The following PSD3 variants were observed in gnomAD, a reference collection of about 807,000 sequenced individuals.
The protein encoded by PSD3 is pleckstrin and Sec7 domain containing 3.
A neutral mutation model predicts 105.5 loss-of-function variants in PSD3; 49 were observed. The ratio of observed to expected loss-of-function variants is 0.46; its 90% confidence interval spans 0.37 to 0.59. PSD3 has a LOEUF of 0.59. Ranked by LOEUF, PSD3 falls within the 20% of genes least tolerant of loss-of-function variation. The pLI, the probability that PSD3 is intolerant of heterozygous loss-of-function variation, is 0.00. For missense variants in PSD3, 1,561 were observed against 1,263.8 expected, an observed-to-expected ratio of 1.24 and a Z score of -3.57; for synonymous variants, 557 against 457.8, an observed-to-expected ratio of 1.22 and a Z score of -2.77.
At chr8:18,845,747 A>G (rs1405303519) in intron 4 of PSD3, among the ~76,000 whole-genome samples, 2 of 152,204 alleles carry the variant, frequency 1.3e-5, no homozygotes, top group African/African-American at 4.8e-5. Flanking sequence ...GACCAGCCAG[A>G]ACAACATAGC....
chr8:18,533,714 T>C lies in PSD3; in HGVS notation c.*2029A>G, dbSNP rs985640545. The C allele has an allele frequency of 6.6e-6, 1 of 152,166 alleles. No individual in the cohort carries two copies. The highest frequency in any genetic ancestry group is 1.5e-5 in the Non-Finnish European group (1 of 68,032). 9.4% of individuals were successfully genotyped at this position (152,166 alleles called of 1,614,324 possible). A position where few individuals can be genotyped will look rare whatever the true frequency, so the allele number is the denominator to read the frequency against. ...CTCTCCCCTCGGCTTAGTATAAACA[T>C]TTAGGCAGAAAACAAATATCCTGAT... is the stretch of plus-strand genomic sequence containing the variant. On this transcript the variant is annotated 3_prime_UTR_variant, in exon 16 of 16. Transcript: ENST00000327040.
At chr8:18,956,361 G>T (rs1363186285) in intron 1 of PSD3, among the ~76,000 whole-genome samples, 1 of 152,180 alleles carries the variant, frequency 6.6e-6, no homozygotes, top group Non-Finnish European at 1.5e-5. Context: ...GGGCCTGACA[G>T]TCTGCATTTC....
intron 9 of PSD3, among the ~76,000 whole-genome samples, chr8:18,671,230 C>G (rs1283335569): frequency 2.0e-5 from 3 of 152,176 alleles, no homozygotes; most frequent in Non-Finnish European, 4.4e-5. Flanking sequence ...CTTCGCCGAT[C>G]TAGGAGCTGG....
intron 2 of PSD3, among the ~76,000 whole-genome samples, chr8:18,906,868 T>TC (rs1819884214): frequency 6.6e-6 from 1 of 152,078 alleles, no homozygotes; most frequent in African/African-American, 2.4e-5. Flanking sequence ...GGCAAAACAC[T>TC]CCCATTGCCT....
intron 8 of PSD3, among the ~76,000 whole-genome samples, chr8:18,789,563 A>C (rs896102088): frequency 2.0e-5 from 3 of 152,204 alleles, no homozygotes; most frequent in Non-Finnish European, 4.4e-5. Context: ...TTTTAAGAGT[A>C]TAAAGCTATC....
At chr8:18,786,681 T>A (rs187953680) in intron 8 of PSD3, 1 of 152,334 alleles carries the variant, frequency 6.6e-6, no homozygotes, top group African/African-American at 2.4e-5. Context: ...AGTACAATCA[T>A]CCAATAGACT....
chr8:18,558,565 G>A (rs1376905843), intron 14 of PSD3, among the ~76,000 whole-genome samples: 1 of 152,156 alleles, frequency 6.6e-6, no homozygotes, highest in Non-Finnish European at 1.5e-5. Flanking sequence ...CCTCACGCCT[G>A]TAATCCCAGC....
At chr8:18,643,484 C>A (rs1807802067) in intron 10 of PSD3, among the ~76,000 whole-genome samples, 2 of 152,162 alleles carry the variant, frequency 1.3e-5, no homozygotes, top group Non-Finnish European at 2.9e-5. Flanking sequence ...CATGATTCAT[C>A]CTTAGGCAAA....
intron 9 of PSD3, among the ~76,000 whole-genome samples, chr8:18,659,036 T>C (rs1309299648): frequency 1.3e-5 from 2 of 152,170 alleles, no homozygotes; most frequent in African/African-American, 2.4e-5. Flanking sequence ...TCAGTTCACC[T>C]ATCCTTCCCA....
chr8:18,719,925 T>A (rs1460622614), intron 9 of PSD3, among the ~76,000 whole-genome samples: 4 of 152,174 alleles, frequency 2.6e-5, no homozygotes, highest in African/African-American at 9.7e-5. Context: ...GATTAAAGAA[T>A]ACCAACCAGG....
intron 2 of PSD3, among the ~76,000 whole-genome samples, chr8:18,880,719 G>C (rs1232185772): frequency 6.6e-6 from 1 of 152,098 alleles, no homozygotes; most frequent in Non-Finnish European, 1.5e-5. Context: ...TTCCCTTTCA[G>C]TCTACATCTA....
At chr8:18,805,643 A>T (rs945363217) in intron 4 of PSD3, among the ~76,000 whole-genome samples, 2 of 152,160 alleles carry the variant, frequency 1.3e-5, no homozygotes, top group Non-Finnish European at 1.5e-5. Context: ...TGGATCTTTT[A>T]ACCCTTACAT....
At chr8:18,822,187 C>T (rs1316561082) in intron 4 of PSD3, among the ~76,000 whole-genome samples, 1 of 152,090 alleles carries the variant, frequency 6.6e-6, no homozygotes, top group African/African-American at 2.4e-5. Context: ...TAGATTTACA[C>T]AATAAGGTTT....
intron 10 of PSD3, among the ~76,000 whole-genome samples, chr8:18,645,863 C>T (rs946823647): frequency 5.9e-5 from 9 of 152,252 alleles, no homozygotes; most frequent in East Asian, 5.8e-4. Flanking sequence ...TCAAATATCT[C>T]GTGCAAATAA....
intron 1 of PSD3, among the ~76,000 whole-genome samples, chr8:18,955,192 G>C (rs969606904): frequency 6.6e-6 from 1 of 152,148 alleles, no homozygotes; most frequent in Non-Finnish European, 1.5e-5. Flanking sequence ...CTTCATTCTG[G>C]AATCTATCTG....
At chr8:18,708,841 A>G (rs1802060078) in intron 9 of PSD3, among the ~76,000 whole-genome samples, 2 of 151,956 alleles carry the variant, frequency 1.3e-5, no homozygotes, top group African/African-American at 4.8e-5. Context: ...AGCAAGAAAA[A>G]GCAGGGTAGA....
At chr8:19,073,595 G>A (rs184783191) in intron 1 of PSD3, among the ~76,000 whole-genome samples, 82 of 135,386 alleles carry the variant, frequency 6.1e-4, no homozygotes, top group Non-Finnish European at 8.8e-4. Context: ...ATAGGCCTAA[G>A]AGGTCTTAAT....
At chr8:18,639,734 C>A (rs1563410166) in intron 10 of PSD3, among the ~76,000 whole-genome samples, 1 of 152,140 alleles carries the variant, frequency 6.6e-6, no homozygotes, top group African/African-American at 2.4e-5. Context: ...GACAATAAAT[C>A]TGGGTTTTTA....
intron 9 of PSD3, among the ~76,000 whole-genome samples, chr8:18,690,550 G>A (rs1004622911): frequency 2.0e-5 from 3 of 152,104 alleles, no homozygotes; most frequent in African/African-American, 4.8e-5. Context: ...CTACACCCCA[G>A]GACAGGATTC....
Sources: allele counts gnomAD v4.1 joint callset (sites outside exome capture counted in the v4.1 genomes callset), GRCh38; gene constraint gnomAD v4.1.1; transcripts MANE v1.5; gene names NCBI Gene and HGNC (gene_info 2026-07-23, HGNC 2026-07-21).